The following KAZN variants were observed in gnomAD, a reference collection of about 807,000 sequenced individuals.
KAZN encodes the protein kazrin.
In KAZN, 40 loss-of-function variants were observed where a neutral mutation model predicts 87.4. That is an observed-to-expected ratio of 0.46 (90% CI 0.36 to 0.60). KAZN has a LOEUF of 0.60. Ranked by LOEUF, KAZN falls within the 20% of genes least tolerant of loss-of-function variation. KAZN has a pLI of 0.00. For synonymous variants in KAZN, 466 were observed against 458.3 expected (o/e 1.02, Z -0.22); for missense variants, 898 against 1,073.9 (o/e 0.84, Z 2.29).
Position 14,731,200 on chromosome 1 carries a change from G to A in KAZN, c.226+131977G>A, listed in dbSNP as rs141454923. On this transcript the variant is annotated intron_variant, in intron 1 of 14. Transcript: ENST00000376030. ...TAATGAAAAGAAAAGAAGCACTGCCGAGTAATTAAAGAGGCTGCTGGGTTT... is the reference window on the plus strand; with the variant it reads ...TAATGAAAAGAAAAGAAGCACTGCCAAGTAATTAAAGAGGCTGCTGGGTTT... 1.3e-3 allele frequency among the ~76,000 whole-genome samples: 199 copies of A among 152,234 alleles called. 2 individuals are homozygous for A. In the East Asian group the frequency reaches 0.031, roughly 24 times the overall value.
intron 7 of KAZN, among the ~76,000 whole-genome samples, chr1:15,065,256 G>A (rs2100562073): frequency 6.6e-6 from 1 of 152,138 alleles, no homozygotes; most frequent in Non-Finnish European, 1.5e-5. Context: ...TCGAACTCCC[G>A]ACCCCAGGTG....
intron 2 of KAZN, among the ~76,000 whole-genome samples, chr1:14,321,342 G>T: frequency 6.6e-6 from 1 of 152,264 alleles, no homozygotes; most frequent in South Asian, 2.1e-4. Flanking sequence ...AAAGGAGATT[G>T]TTATCTGTGC....
intron 2 of KAZN, among the ~76,000 whole-genome samples, chr1:14,566,651 A>G (rs1674566451): frequency 1.3e-5 from 2 of 152,252 alleles, no homozygotes; most frequent in Admixed American, 1.3e-4. Flanking sequence ...AGCCACCTTC[A>G]TTAACGATCC....
intron 1 of KAZN, among the ~76,000 whole-genome samples, chr1:14,881,921 TC>T (rs5772605): frequency 0.018 from 2,694 of 152,302 alleles, 94 homozygotes; most frequent in African/African-American, 0.061. Context: ...TGTAAGCTCC[TC>T]CGGGGAAAGG....
chr1:14,380,472 AAAG>A (rs1351459712), intron 2 of KAZN, among the ~76,000 whole-genome samples: 1 of 152,232 alleles, frequency 6.6e-6, no homozygotes, highest in Non-Finnish European at 1.5e-5. Flanking sequence ...AAGATAACAC[AAAG>A]AAGAAAATCA....
At chr1:15,063,099 C>T (rs568850584) in intron 6 of KAZN, 56 of 168,690 alleles carry the variant, frequency 3.3e-4, no homozygotes, top group Middle Eastern at 2.9e-3. Flanking sequence ...CCTGCCCCTG[C>T]GCAAACTAAG....
Position 14,064,811 on chromosome 1 carries a change from G to A in KAZN, c.92-115624G>A, listed in dbSNP as rs1377613902. On this transcript the variant is annotated intron_variant, in intron 1 of 16. Coordinates refer to the KAZN transcript ENST00000636203. ...TCCCTCCCCGCTGCTCGGTGGTGGA[G>A]TTTGGGAAGTGGACATCCTGAGTCA... 3.3e-5 allele frequency among the ~76,000 whole-genome samples: 5 copies of A among 152,268 alleles called. No homozygotes were observed. The East Asian group carries it at 7.8e-4, about 24-fold the overall frequency.
At chr1:14,745,514 A>G (rs897023230) in intron 1 of KAZN, among the ~76,000 whole-genome samples, 1 of 152,152 alleles carries the variant, frequency 6.6e-6, no homozygotes, top group African/African-American at 2.4e-5. Context: ...AATAGTCATA[A>G]TAAAACTGAA....
At chr1:13,949,121 A>G (rs1350318242) in intron 1 of KAZN, among the ~76,000 whole-genome samples, 1 of 152,226 alleles carries the variant, frequency 6.6e-6, no homozygotes, top group African/African-American at 2.4e-5. Context: ...TCTGGTAAGA[A>G]CATCATTTCC....
chr1:14,538,300 TG>T (rs1672616034), intron 2 of KAZN, among the ~76,000 whole-genome samples: 1 of 152,174 alleles, frequency 6.6e-6, no homozygotes, highest in African/African-American at 2.4e-5. Context: ...TTTCTGAAAA[TG>T]GGTATGATAA....
intron 2 of KAZN, among the ~76,000 whole-genome samples, chr1:14,592,827 G>T (rs187294927): frequency 6.6e-6 from 1 of 152,268 alleles, no homozygotes; most frequent in East Asian, 1.9e-4. Flanking sequence ...TTTCCACCTT[G>T]TCCCACGTAC....
At chr1:15,075,210 G>A (rs1226000648) in intron 8 of KAZN, among the ~76,000 whole-genome samples, 1 of 152,180 alleles carries the variant, frequency 6.6e-6, no homozygotes, top group Non-Finnish European at 1.5e-5. Flanking sequence ...GTCTGAACTG[G>A]TTCTGGAACC....
intron 2 of KAZN, among the ~76,000 whole-genome samples, chr1:14,292,452 G>T (rs1653781262): frequency 6.6e-6 from 1 of 152,188 alleles, no homozygotes; most frequent in East Asian, 1.9e-4. Flanking sequence ...CAGGCTGGGA[G>T]GAGGGAGGAG....
At chr1:14,399,450 G>A (rs12048115) in intron 2 of KAZN, among the ~76,000 whole-genome samples, 22,980 of 152,098 alleles carry the variant, frequency 0.15, 1,877 homozygotes, top group East Asian at 0.23. Flanking sequence ...GGAAAGTCTA[G>A]ATACCTTGAT....
intron 1 of KAZN, among the ~76,000 whole-genome samples, chr1:14,112,571 G>A (rs1297129113): frequency 1.3e-5 from 2 of 152,182 alleles, no homozygotes; most frequent in Admixed American, 1.3e-4. Context: ...TTCAGTGTCG[G>A]TGTAGGGGGA....
chr1:14,421,900 A>T (rs1042428778), intron 2 of KAZN, among the ~76,000 whole-genome samples: 1 of 152,130 alleles, frequency 6.6e-6, no homozygotes, highest in Non-Finnish European at 1.5e-5. Flanking sequence ...TGAATAACCA[A>T]CTACACTGAC....
At chr1:14,345,602 C>A (rs1445558810) in intron 2 of KAZN, among the ~76,000 whole-genome samples, 2 of 152,180 alleles carry the variant, frequency 1.3e-5, no homozygotes, top group Non-Finnish European at 2.9e-5. Flanking sequence ...TCAGTGCACA[C>A]CAGCCCCATT....
chr1:14,499,211 G>A (rs780330907), intron 2 of KAZN, among the ~76,000 whole-genome samples: 10 of 152,144 alleles, frequency 6.6e-5, no homozygotes, highest in Non-Finnish European at 1.2e-4. Flanking sequence ...AGTCGTGTGA[G>A]TTCAGGCAAT....
intron 1 of KAZN, among the ~76,000 whole-genome samples, chr1:14,625,959 C>T (rs186797389): frequency 2.0e-5 from 3 of 152,328 alleles, no homozygotes. Context: ...TTTCAGGGGA[C>T]CTACGGGATT....
Sources: allele counts gnomAD v4.1 joint callset (sites outside exome capture counted in the v4.1 genomes callset), GRCh38; gene constraint gnomAD v4.1.1; transcripts MANE v1.5; gene names NCBI Gene and HGNC (gene_info 2026-07-23, HGNC 2026-07-21).